The following DNAH14 variants were observed in gnomAD, a reference collection of about 807,000 sequenced individuals.
The protein encoded by DNAH14 is dynein axonemal heavy chain 14, also known as axonemal beta dynein heavy chain 14.
In DNAH14, 478 loss-of-function variants were observed where a neutral mutation model predicts 520.9. The ratio of observed to expected loss-of-function variants is 0.92; its 90% CI spans 0.85 to 0.99. DNAH14 has a LOEUF of 0.99. DNAH14 is among the 50% of genes least tolerant of loss of function. The probability of loss-of-function intolerance (pLI) is 0.00; values close to 1 mark genes in which losing one functional copy is unlikely to be tolerated. For missense variants in DNAH14, 4,831 were observed against 5,234.5 expected (o/e 0.92, Z 2.38); for synonymous variants, 1,581 against 1,757.2 (o/e 0.90, Z 2.51).
rs2072831023 is a variant in DNAH14, at chr1:225,079,428, A to G, written c.2646A>G (p.Gln882=). The G allele has an allele frequency of 6.5e-7, 1 of 1,549,424 alleles. No homozygotes were observed. The highest frequency in any genetic ancestry group is 1.4e-5 in the African/African-American group (1 of 73,010). The change falls in exon 18 of 86, where the codon CAA becomes CAG. Residue 882 remains glutamine, a synonymous_variant. Transcript: ENST00000682510. ...IFQVLLLKFS[Q]LKSSMKLSKI... is the part of the protein sequence containing the mutation. ...AAGTTCTTCTTCTTAAGTTTAGTCA[A>G]CTAAAATCATCTATGAAGTTAAGTA...
chr1:225,087,894 C>G (rs938310174), intron 21 of DNAH14, among the ~76,000 whole-genome samples: 1 of 152,192 alleles, frequency 6.6e-6, no homozygotes, highest in African/African-American at 2.4e-5. Context: ...GGTGCTCACA[C>G]AGGGCTGGGA....
intron 17 of DNAH14, among the ~76,000 whole-genome samples, chr1:225,059,219 C>G (rs1439235138): frequency 2.3e-4 from 35 of 152,200 alleles, no homozygotes; most frequent in African/African-American, 8.0e-4. Flanking sequence ...CCTGTATTGG[C>G]TGCATAGATA....
intron 26 of DNAH14, among the ~76,000 whole-genome samples, chr1:225,121,945 C>T (rs908894810): frequency 1.2e-4 from 18 of 151,662 alleles, no homozygotes; most frequent in Admixed American, 8.5e-4. Flanking sequence ...TGTAACAGAT[C>T]GTTGGCAGTA....
intron 67 of DNAH14, 91 bp downstream of exon 67, chr1:225,337,587 A>G: frequency 3.0e-6 from 3 of 990,384 alleles, no homozygotes; most frequent in Non-Finnish European, 1.5e-6. Flanking sequence ...AGTGACAGAT[A>G]ACTGTCAGGG....
intron 27 of DNAH14, among the ~76,000 whole-genome samples, chr1:225,138,946 T>C (rs1298514490): frequency 9.2e-5 from 14 of 152,120 alleles, no homozygotes; most frequent in Non-Finnish European, 2.1e-4. Flanking sequence ...CAGCTGCTTC[T>C]AATCGGTCAT....
intron 1 of DNAH14, among the ~76,000 whole-genome samples, chr1:224,930,178 A>T (rs1283341674): frequency 6.6e-6 from 1 of 152,226 alleles, no homozygotes; most frequent in Admixed American, 6.5e-5. Flanking sequence ...ACGAATAATG[A>T]GCTATTTGAA....
At chr1:225,282,092 G>A (rs1360994249) in intron 54 of DNAH14, among the ~76,000 whole-genome samples, 1 of 152,180 alleles carries the variant, frequency 6.6e-6, no homozygotes, top group African/African-American at 2.4e-5. Flanking sequence ...TATATGTGTA[G>A]TTTTTATGTC....
chr1:225,235,967 A>T (rs942637182), intron 42 of DNAH14, among the ~76,000 whole-genome samples: 1 of 151,594 alleles, frequency 6.6e-6, no homozygotes, highest in African/African-American at 2.4e-5. Context: ...TATTTTATTA[A>T]TTTTTTTCAA....
intron 12 of DNAH14, among the ~76,000 whole-genome samples, chr1:225,040,148 C>G (rs1403125443): frequency 6.6e-6 from 1 of 151,778 alleles, no homozygotes; most frequent in East Asian, 2.0e-4. Context: ...ACCGTGTTAG[C>G]CAGGATGGTC....
Position 225,150,855 on chromosome 1 carries a change from G to A in DNAH14, c.4941-1150G>A, listed in dbSNP as rs372961200. Among the ~76,000 whole-genome samples the A allele has an allele frequency of 7.9e-5, 12 of 152,090 alleles. 1 individual carries two copies. In the East Asian group the frequency reaches 1.5e-3, roughly 20 times the overall value. ...AGCAATTCTCATGCTGGTATTACAG[G>A]TGGTGCCACCACACCTGGCTAATTT... On this transcript the variant is annotated intron_variant, in intron 31 of 85. Coordinates refer to ENST00000682510, the MANE Select transcript of DNAH14 (RefSeq NM_001367479.1).
chr1:225,275,093 G>T (rs2093434096), intron 52 of DNAH14, among the ~76,000 whole-genome samples: 1 of 152,130 alleles, frequency 6.6e-6, no homozygotes, highest in Non-Finnish European at 1.5e-5. Context: ...TAGTTAAGTG[G>T]TGGAGTCATT....
At chr1:225,384,419 A>G (rs6663101) in intron 81 of DNAH14, among the ~76,000 whole-genome samples, 47,418 of 152,020 alleles carry the variant, frequency 0.31, 9,311 homozygotes, top group African/African-American at 0.56. Context: ...AAAACCTTCA[A>G]AAAATCAATG....
rs1420628841 is a variant in DNAH14 at position 225,336,005 on chromosome 1, G to GCATATATGTA, written c.10081-1261_10081-1260insCATATATGTA. 1.8e-4 allele frequency among the ~76,000 whole-genome samples: 15 copies of GCATATATGTA among 83,270 alleles called. No individual in the cohort carries two copies. The East Asian group carries it at 2.5e-3, about 14-fold the overall frequency. 54.6% of individuals were successfully genotyped at this position (83,270 alleles called of 152,430 possible). On this transcript the variant is annotated intron_variant, in intron 66 of 85. Transcript: ENST00000682510. ...TGTATATACACACATATGCATATAT[G>GCATATATGTA]TATACGCATATATGCATATATGTAT...
chr1:224,978,639 A>G (rs1293532272), intron 8 of DNAH14, among the ~76,000 whole-genome samples: 1 of 152,100 alleles, frequency 6.6e-6, no homozygotes, highest in East Asian at 1.9e-4. Context: ...TTTGCATTTT[A>G]TTCTTATTTC....
chr1:225,333,069 TAGC>T (rs1172293047), intron 65 of DNAH14, among the ~76,000 whole-genome samples: 3 of 152,166 alleles, frequency 2.0e-5, no homozygotes, highest in African/African-American at 4.8e-5. Context: ...GTATCTATCT[TAGC>T]AAAGATGACA....
chr1:224,931,395 T>G (rs2058688536), intron 1 of DNAH14, among the ~76,000 whole-genome samples: 1 of 152,222 alleles, frequency 6.6e-6, no homozygotes, highest in Non-Finnish European at 1.5e-5. Flanking sequence ...ATGAGGTACG[T>G]GAGAAATTTT....
rs1372581079 is a variant in DNAH14, at chr1:225,380,066, T to C, written c.12717-93T>C. 2.0e-5 allele frequency: 27 copies of C among 1,333,964 alleles called. No homozygotes were observed. The East Asian group carries it at 6.9e-4, about 34-fold the overall frequency. 82.6% of individuals were successfully genotyped at this position (1,333,964 alleles called of 1,614,324 possible). On this transcript the variant is annotated intron_variant, in intron 79 of 85. Transcript: ENST00000682510. The stretch of plus-strand genomic sequence containing the variant: ...TATAGAACACTAAACATATTCCTCC[T>C]GTCTACCAGTAATCTTGAATCCTTT...
intron 17 of DNAH14, among the ~76,000 whole-genome samples, chr1:225,053,505 G>A (rs752256805): frequency 6.6e-6 from 1 of 152,104 alleles, no homozygotes; most frequent in Non-Finnish European, 1.5e-5. Flanking sequence ...GGACCCTCTG[G>A]CTGCAGTGTG....
chr1:225,356,064 T>G (rs1010759226), intron 73 of DNAH14, among the ~76,000 whole-genome samples: 1 of 152,222 alleles, frequency 6.6e-6, no homozygotes, highest in Non-Finnish European at 1.5e-5. Context: ...TATCCCATTG[T>G]GTGTATATAT....
Sources: allele counts gnomAD v4.1 joint callset (sites outside exome capture counted in the v4.1 genomes callset), GRCh38; gene constraint gnomAD v4.1.1; transcripts MANE v1.5; gene names NCBI Gene and HGNC (gene_info 2026-07-23, HGNC 2026-07-21).